Variants in TAB3 observed in about 807,000 individuals in gnomAD.
The protein encoded by TAB3 is TGF-beta-activated kinase 1 and MAP3K7-binding protein 3.
In TAB3, 18 loss-of-function variants were observed where a neutral mutation model predicts 48.1. That is an observed-to-expected ratio of 0.37 (90% CI 0.26 to 0.55). The LOEUF (loss-of-function observed/expected upper bound fraction) is 0.55, where lower values mean the gene tolerates loss of function less well. Among genes scored for constraint, TAB3 ranks in the 20% least tolerant of loss-of-function variants. The probability of loss-of-function intolerance (pLI) is 0.78; values close to 1 mark genes in which losing one functional copy is unlikely to be tolerated. For missense variants in TAB3, 414 were observed against 549.8 expected, an observed-to-expected ratio of 0.75 and a Z score of 2.47; for synonymous variants, 185 against 190.2, an observed-to-expected ratio of 0.97 and a Z score of 0.22.
intron 6 of TAB3, 110 bp from the exon 7 acceptor site, chrX:30,853,048 C>T: frequency 1.3e-6 from 1 of 766,618 alleles, no homozygotes; most frequent in Non-Finnish European, 1.9e-6. Flanking sequence ...TGGGGGTTGG[C>T]ATTTACTCTC....
chrX:30,859,206 G>A (rs1265421884), intron 5 of TAB3, among the ~76,000 whole-genome samples: 2 of 111,315 alleles, frequency 1.8e-5, no homozygotes, highest in Non-Finnish European at 3.8e-5. Flanking sequence ...ATTTTCAGTT[G>A]TCACAACTGC....
Position 30,859,553 on chromosome X carries a change from A to T in TAB3, c.36T>A (p.Val12=). ...AQSSPQLDIQ[V]LHDLRQRFPE... ...GGAAACGTTGTCGAAGATCATGGAG[A>T]ACCTGAATATCAAGCTGTGGGCTGC... The change falls in exon 5 of 11, where the codon GTT becomes GTA. Residue 12 remains valine, a synonymous_variant. Coordinates refer to ENST00000288422, the MANE Select transcript of TAB3 (RefSeq NM_152787.5). 8.3e-7 allele frequency: 1 copy of T among 1,210,296 alleles called. No homozygotes were observed. Among genetic ancestry groups the T allele is most frequent in the Non-Finnish European group, 1.1e-6 (1 of 894,870 alleles).
At chrX:30,843,152 A>C in intron 8 of TAB3, 103 bp from the exon 9 acceptor site, 1 of 464,835 alleles carries the variant, frequency 2.2e-6, no homozygotes, top group Non-Finnish European at 3.6e-6. Flanking sequence ...AGAAGGGAAA[A>C]ATGTTTTCCA....
intron 9 of TAB3, 116 bp from the exon 10 acceptor site, chrX:30,834,268 A>G (rs1317139505): frequency 5.1e-6 from 3 of 583,492 alleles, no homozygotes; most frequent in Non-Finnish European, 2.7e-6. Context: ...TACCCTACCT[A>G]TTACTTCATG....
intron 1 of TAB3, among the ~76,000 whole-genome samples, chrX:30,878,306 C>T (rs774100808): frequency 9.1e-6 from 1 of 110,394 alleles, no homozygotes; most frequent in South Asian, 3.9e-4. Flanking sequence ...GTCTGGTCAA[C>T]ATGGTGAAAC....
At chrX:30,866,379 C>G (rs1472365068) in intron 4 of TAB3, among the ~76,000 whole-genome samples, 1 of 110,930 alleles carries the variant, frequency 9.0e-6, no homozygotes, top group Non-Finnish European at 1.9e-5. Context: ...GCACCCAGTT[C>G]TTGATTTCTA....
At chrX:30,874,120 C>T (rs1939750722) in intron 1 of TAB3, among the ~76,000 whole-genome samples, 1 of 111,602 alleles carries the variant, frequency 9.0e-6, no homozygotes, top group Non-Finnish European at 1.9e-5. Context: ...TGCAGTGAAC[C>T]ATGATCATGC....
intron 1 of TAB3, among the ~76,000 whole-genome samples, chrX:30,882,808 C>T (rs1940031616): frequency 8.9e-6 from 1 of 111,938 alleles, no homozygotes; most frequent in South Asian, 3.7e-4. Flanking sequence ...GTCTCACTAA[C>T]AATAATGTAC....
Position 30,848,246 on chromosome X carries a change from G to A in TAB3, c.1711-1602C>T, listed in dbSNP as rs1450940654. Among the ~76,000 whole-genome samples the A allele has an allele frequency of 6.2e-5, 7 of 112,180 alleles. No individual in the cohort carries two copies. The East Asian group carries it at 1.1e-3, about 18-fold the overall frequency. The stretch of plus-strand genomic sequence containing the variant: ...AACGAAAACATACTTTCATCAGGCC[G>A]GGTGCAGTGGCTCACTCCTGTAATC... On this transcript the variant is annotated intron_variant, in intron 7 of 10. Coordinates refer to ENST00000288422, the MANE Select transcript of TAB3 (RefSeq NM_152787.5).
At chrX:30,876,284 A>C (rs1939830307) in intron 1 of TAB3, among the ~76,000 whole-genome samples, 1 of 112,152 alleles carries the variant, frequency 8.9e-6, no homozygotes, top group African/African-American at 3.2e-5. Flanking sequence ...CTTGGTTTCA[A>C]ATGATTTTTC....
Position 30,859,684 on chromosome X carries a change from T to TAAAA in TAB3, c.-90-10_-90-7dup. 2.2e-6 allele frequency: 1 copy of TAAAA among 463,829 alleles called. No homozygotes were observed. The highest frequency in any genetic ancestry group is 3.6e-6 in the Non-Finnish European group (1 of 279,706). 38.2% of individuals were successfully genotyped at this position (463,829 alleles called of 1,213,427 possible). A position where few individuals can be genotyped will look rare whatever the true frequency, so the allele number is the denominator to read the frequency against. On this transcript the variant is annotated splice_polypyrimidine_tract_variant and splice_region_variant and intron_variant, in intron 4 of 10. Coordinates refer to ENST00000288422, the MANE Select transcript of TAB3 (RefSeq NM_152787.5). ...TCTAGCACCACAGTCATTTTCTATT[T>TAAAA]AAAAAAAAAAAAAAAGTATGGTTAA...
intron 5 of TAB3, 86 bp downstream of exon 5, chrX:30,859,401 T>A: frequency 1.2e-5 from 6 of 496,426 alleles, no homozygotes; most frequent in Non-Finnish European, 1.9e-5. Context: ...CAAGAAAACA[T>A]ACCTGGGTTC....
At chrX:30,861,680 C>G (rs956016716) in intron 4 of TAB3, among the ~76,000 whole-genome samples, 7 of 111,543 alleles carry the variant, frequency 6.3e-5, no homozygotes, top group African/African-American at 9.8e-5. Flanking sequence ...GGAGTCCTAG[C>G]TAGATGTATA....
chrX:30,854,174 T>A lies in TAB3; in HGVS notation c.1491A>T (p.Gly497=). The A allele has an allele frequency of 8.3e-7, 1 of 1,209,677 alleles. No homozygotes were observed. Residue 497 remains glycine (G), a synonymous_variant, in exon 6 of 11, where the codon GGA becomes GGT. Coordinates refer to ENST00000288422, the MANE Select transcript of TAB3 (RefSeq NM_152787.5). ...SVIPGSGGEK[G]SHKYQRSSSS... Reference sequence around the variant, plus strand: ...TAGAACTTCTCTGATATTTATGGCTTCCCTTTTCTCCCCCAGAGCCTGGTA... The same window carrying A: ...TAGAACTTCTCTGATATTTATGGCTACCCTTTTCTCCCCCAGAGCCTGGTA...
chrX:30,832,958 C>T (rs961168127), intron 10 of TAB3, among the ~76,000 whole-genome samples: 1 of 108,171 alleles, frequency 9.2e-6, no homozygotes, highest in African/African-American at 3.5e-5. Flanking sequence ...GTTTACTATG[C>T]CATTTTCTTT....
At chrX:30,836,334 C>G (rs2147326909) in intron 9 of TAB3, 1 of 111,456 alleles carries the variant, frequency 9.0e-6, no homozygotes, top group South Asian at 3.7e-4. Flanking sequence ...TTCCTAGTCT[C>G]TTTTTTATTA....
intron 1 of TAB3, among the ~76,000 whole-genome samples, chrX:30,882,901 T>C (rs5971526): frequency 0.064 from 7,133 of 111,616 alleles, 549 homozygotes; most frequent in African/African-American, 0.22. Flanking sequence ...TGTACAATCT[T>C]TGCAACTTCA....
intron 1 of TAB3, among the ~76,000 whole-genome samples, chrX:30,877,443 T>C (rs989396820): frequency 2.7e-5 from 3 of 112,186 alleles, no homozygotes; most frequent in Non-Finnish European, 5.6e-5. Context: ...AAATAATGTC[T>C]TGTAAGGTTT....
intron 9 of TAB3, 120 bp downstream of exon 9, chrX:30,842,846 A>C (rs1938498642): frequency 2.3e-6 from 1 of 437,725 alleles, no homozygotes; most frequent in African/African-American, 2.6e-5. Context: ...AAATAATAAA[A>C]ATATGGTAAC....
Sources: gnomAD v4.1 joint callset for allele counts (sites outside exome capture counted in the v4.1 genomes callset) on GRCh38, gnomAD v4.1.1 for gene constraint, MANE v1.5 for transcripts, NCBI Gene and HGNC (gene_info 2026-07-23, HGNC 2026-07-21) for gene names.